CFAP47: variants seen among roughly 807,000 people sequenced by gnomAD.
The protein encoded by CFAP47 is cilia- and flagella-associated protein 47.
CFAP47 carries 29 observed loss-of-function variants against 148.1 expected under a neutral mutation model. That is an observed-to-expected ratio of 0.20 (90% CI 0.15 to 0.27). CFAP47 has a LOEUF of 0.27. Ranked by LOEUF, CFAP47 falls within the 10% of genes least tolerant of loss-of-function variation. The pLI is 1.00. For missense variants in CFAP47, 1,872 were observed against 1,697.5 expected, an observed-to-expected ratio of 1.10 and a Z score of -1.81; for synonymous variants, 664 against 577.3, an observed-to-expected ratio of 1.15 and a Z score of -2.15.
chrX:36,085,420 C>T lies in CFAP47; in HGVS notation c.4798C>T (p.His1600Tyr). Residue 1600 changes from histidine to tyrosine, a missense_variant, in exon 30 of 64, where the codon CAT (histidine) becomes TAT (tyrosine). Transcript: ENST00000378653. ...TAAGACCATTTATGATGTGCTGCTC[C>T]ATTTGAGTGGAAAAATGCCACCTGG... ...YNKTIYDVLL[H>Y]LSGKMPPGIN... 8.3e-7 allele frequency: 1 copy of T among 1,201,611 alleles called. No individual in the cohort carries two copies.
chrX:36,301,093 G>A lies in CFAP47; in HGVS notation c.7884G>A (p.Met2628Ile). 2.6e-6 allele frequency: 3 copies of A among 1,151,442 alleles called. No individual in the cohort carries two copies. The highest frequency in any genetic ancestry group is 3.5e-6 in the Non-Finnish European group (3 of 861,348). The allele number at this position is 1,151,442 out of a possible 1,213,427, so 94.9% of individuals were successfully genotyped here. A position where few individuals can be genotyped will look rare whatever the true frequency, so the allele number is the denominator to read the frequency against. The change falls in exon 53 of 64, where the codon ATG (methionine) becomes ATA (isoleucine). Residue 2628 changes from methionine (M) to isoleucine (I), a missense_variant. Met to Ile is a conservative substitution (Grantham distance 10). Coordinates refer to ENST00000378653, the MANE Select transcript of CFAP47 (RefSeq NM_001304548.2). ...CCAGCATTATTTTTCAGCCTGAAATGGCTGAAGAGTTCTGGTATTTACTGA... is the reference window on the plus strand; with the variant it reads ...CCAGCATTATTTTTCAGCCTGAAATAGCTGAAGAGTTCTGGTATTTACTGA... ...SDESIIFQPE[M>I]AEEFWYLLKL...
chrX:35,952,825 C>T (rs1936187458), intron 6 of CFAP47, among the ~76,000 whole-genome samples: 1 of 111,768 alleles, frequency 8.9e-6, no homozygotes, highest in Non-Finnish European at 1.9e-5. Flanking sequence ...ATTCTTTTTT[C>T]ATGGCAGCAT....
intron 7 of CFAP47, among the ~76,000 whole-genome samples, chrX:35,954,860 A>C (rs1461477439): frequency 8.9e-6 from 1 of 112,018 alleles, no homozygotes; most frequent in East Asian, 2.8e-4. Context: ...CTGAGTGAAA[A>C]GCCTCTAATT....
intron 44 of CFAP47, among the ~76,000 whole-genome samples, chrX:36,202,374 C>T (rs1471449383): frequency 9.0e-6 from 1 of 111,211 alleles, no homozygotes; most frequent in African/African-American, 3.3e-5. Flanking sequence ...TCTACATGAC[C>T]CGTCATGTAG....
At chrX:35,930,572 C>T (rs907993888) in intron 2 of CFAP47, among the ~76,000 whole-genome samples, 1 of 110,754 alleles carries the variant, frequency 9.0e-6, no homozygotes, top group African/African-American at 3.3e-5. Flanking sequence ...AACTGTCTGG[C>T]CTGGAAATTT....
rs1393290893 is a variant in CFAP47 at position 36,379,497 on chromosome X, T to C, written c.9333T>C (p.Tyr3111=). ...AACCTAAAATGTACTGTAGGAAATA[T>C]AAAGCAACATTAGTAATACAGGTGA... ...GFKPKMYCRK[Y]KATLVIQTEE... is the part of the protein sequence containing the mutation. The change falls in exon 63 of 64, where the codon TAT becomes TAC. Residue 3111 remains tyrosine (Y), a synonymous_variant. Coordinates refer to ENST00000378653, the MANE Select transcript of CFAP47 (RefSeq NM_001304548.2). 3 of 1,159,431 alleles carry C rather than the reference T, an allele frequency of 2.6e-6. No individual in the cohort carries two copies. In the African/African-American group the frequency reaches 5.4e-5, roughly 21 times the overall value.
chrX:36,081,113 GA>G (rs984191139), intron 29 of CFAP47, among the ~76,000 whole-genome samples: 6 of 110,504 alleles, frequency 5.4e-5, no homozygotes, highest in Non-Finnish European at 9.5e-5. Flanking sequence ...GACTAAGAAA[GA>G]AAAAAAGAGA....
Position 36,104,522 on chromosome X carries a change from GC to G in CFAP47, c.5153del (p.Pro1718HisfsTer39). ...AGGTTTTGGTTCTATCCCGTGTAGT[GC>G]CATACTGCAGCAATAATATGCCCCC... ...YKVLVLSRVV[P>X]YCSNNMPPIC... On this transcript the variant is annotated frameshift_variant, in exon 33 of 64. Coordinates refer to ENST00000378653, the MANE Select transcript of CFAP47 (RefSeq NM_001304548.2). LOFTEE classifies it high-confidence loss of function. 1 of 961,662 alleles carries G rather than the reference GC, an allele frequency of 1.0e-6. No homozygotes were observed. Among genetic ancestry groups the G allele is most frequent in the Non-Finnish European group, 1.4e-6 (1 of 706,925 alleles). The allele number at this position is 961,662 out of a possible 1,213,427, so 79.3% of individuals were successfully genotyped here. A position where few individuals can be genotyped will look rare whatever the true frequency, so the allele number is the denominator to read the frequency against.
rs948414175 is a variant in CFAP47 at position 36,071,913 on chromosome X, G to A, written c.4407G>A (p.Lys1469=). The change falls in exon 28 of 64, where the codon AAG becomes AAA. Residue 1469 remains lysine (K), a synonymous_variant. Transcript: ENST00000378653. The part of the protein sequence containing the change: ...AKPPSPASIK[K]TYTTSKFNDA... ...CACCCTCTCCTGCTTCAATTAAAAA[G>A]ACATACACCACTAGCAAATTCAATG... 6 of 1,206,296 alleles carry A rather than the reference G, an allele frequency of 5.0e-6. No individual in the cohort carries two copies. Among genetic ancestry groups the A allele is most frequent in the African/African-American group, 1.8e-5 (1 of 57,035 alleles).
At chrX:36,370,593 C>CT (rs201760302) in intron 62 of CFAP47, among the ~76,000 whole-genome samples, 10,194 of 109,750 alleles carry the variant, frequency 0.093, 390 homozygotes, top group East Asian at 0.23. Flanking sequence ...GTGTTTTAAA[C>CT]TTTTTTTAGA....
chrX:36,121,968 G>A (rs754456556), intron 33 of CFAP47, among the ~76,000 whole-genome samples: 2 of 111,431 alleles, frequency 1.8e-5, no homozygotes, highest in Non-Finnish European at 3.8e-5. Flanking sequence ...AACATGTATG[G>A]TGTTAATGAA....
Position 36,353,811 on chromosome X carries a change from C to T in CFAP47, c.8851+130C>T. 8.4e-6 allele frequency: 4 copies of T among 478,815 alleles called. No homozygotes were observed. The South Asian group carries it at 1.4e-4, about 17-fold the overall frequency. 39.5% of individuals were successfully genotyped at this position (478,815 alleles called of 1,213,427 possible). A position where few individuals can be genotyped will look rare whatever the true frequency, so the allele number is the denominator to read the frequency against. On this transcript the variant is annotated intron_variant, in intron 60 of 63. Coordinates refer to ENST00000378653, the MANE Select transcript of CFAP47 (RefSeq NM_001304548.2). The stretch of plus-strand genomic sequence containing the variant: ...TACTTTTCATTTCACTACTTATTCA[C>T]ATAGTGCTTAAGGAGTGTTCCGTTG...
chrX:36,104,928 TA>T (rs1169955886), intron 33 of CFAP47, among the ~76,000 whole-genome samples: 1 of 112,197 alleles, frequency 8.9e-6, no homozygotes, highest in Non-Finnish European at 1.9e-5. Flanking sequence ...TAACTGATTT[TA>T]AAAGCATATG....
intron 42 of CFAP47, among the ~76,000 whole-genome samples, chrX:36,197,123 A>G (rs1939928468): frequency 8.9e-6 from 1 of 111,889 alleles, no homozygotes; most frequent in Non-Finnish European, 1.9e-5. Context: ...ATTGATATTG[A>G]ACATGTTAGT....
intron 45 of CFAP47, among the ~76,000 whole-genome samples, chrX:36,225,634 GA>G (rs1439792295): frequency 1.8e-5 from 2 of 111,519 alleles, no homozygotes; most frequent in Non-Finnish European, 3.8e-5. Context: ...CAGGATCAAG[GA>G]ACTATGGATT....
chrX:35,954,814 G>C (rs1250835214), intron 7 of CFAP47, among the ~76,000 whole-genome samples: 2 of 111,465 alleles, frequency 1.8e-5, no homozygotes, highest in Middle Eastern at 4.6e-3. Context: ...TCTTTTTCAT[G>C]TGCACTTATA....
Position 35,919,998 on chromosome X carries a change from A to G in CFAP47, c.199A>G (p.Ile67Val). ...VYRLPITVHN[I>V]CRWNQKIRFK... is the part of the protein sequence containing the mutation. ...CCGCCTCCCGATTACTGTGCATAAT[A>G]TTTGCCGCTGGAACCAGAAAATCCG... The change falls in exon 1 of 64, where the codon ATT becomes GTT. Residue 67 changes from isoleucine (I) to valine (V), a missense_variant. Transcript: ENST00000378653. 12 of 1,201,201 alleles carry G rather than the reference A, an allele frequency of 1.0e-5. No homozygotes were observed. Among genetic ancestry groups the G allele is most frequent in the Non-Finnish European group, 1.4e-5 (12 of 888,512 alleles).
intron 39 of CFAP47, among the ~76,000 whole-genome samples, chrX:36,178,168 C>A (rs1454354756): frequency 1.8e-5 from 2 of 110,737 alleles, no homozygotes; most frequent in African/African-American, 6.6e-5. Flanking sequence ...ACAATACACA[C>A]TGGCAACTAC....
intron 63 of CFAP47, among the ~76,000 whole-genome samples, chrX:36,383,604 A>G (rs1175750229): frequency 8.9e-6 from 1 of 111,783 alleles, no homozygotes; most frequent in Non-Finnish European, 1.9e-5. Flanking sequence ...TCCACTTTTG[A>G]CACACTGATT....
Sources: gnomAD v4.1 joint callset for allele counts (sites outside exome capture counted in the v4.1 genomes callset) on GRCh38, gnomAD v4.1.1 for gene constraint, MANE v1.5 for transcripts, NCBI Gene and HGNC (gene_info 2026-07-23, HGNC 2026-07-21) for gene names.